ADCY9: variants seen among roughly 807,000 people sequenced by gnomAD.
The protein encoded by ADCY9 is adenylate cyclase type 9.
A neutral mutation model predicts 101.5 loss-of-function variants in ADCY9; 50 were observed. The observed-to-expected ratio is 0.49, with a 90% CI of 0.39 to 0.62. The LOEUF (loss-of-function observed/expected upper bound fraction) is 0.62, where lower values mean the gene tolerates loss of function less well. Ranked by LOEUF, ADCY9 falls within the 20% of genes least tolerant of loss-of-function variation. ADCY9 has a pLI of 0.00. For synonymous variants in ADCY9, 905 were observed against 769.3 expected (o/e 1.18, Z -2.92); for missense variants, 1,662 against 1,800.4 (o/e 0.92, Z 1.39).
At chr16:4,055,737 G>C (rs748877036) in intron 2 of ADCY9, among the ~76,000 whole-genome samples, 2 of 152,298 alleles carry the variant, frequency 1.3e-5, no homozygotes, top group South Asian at 4.1e-4. Flanking sequence ...GGGAGGCTGA[G>C]GCAGGAGAAC....
At chr16:4,030,342 C>T (rs1483254145) in intron 2 of ADCY9, among the ~76,000 whole-genome samples, 4 of 152,056 alleles carry the variant, frequency 2.6e-5, no homozygotes, top group East Asian at 1.9e-4. Context: ...GGAACCCCAG[C>T]GTAAGCAACA....
At chr16:4,095,629 C>T (rs1401633653) in intron 2 of ADCY9, among the ~76,000 whole-genome samples, 1 of 152,160 alleles carries the variant, frequency 6.6e-6, no homozygotes, top group African/African-American at 2.4e-5. Flanking sequence ...TAATTATTCA[C>T]TTCACATTTT....
At position 3,987,376 on chromosome 16, in the gene ADCY9, C is replaced by T. The variant is rs77937665; in HGVS notation, c.2310+1618G>A. On this transcript the variant is annotated intron_variant, in intron 6 of 10. Transcript: ENST00000294016. ...AAAGGTGTCTGCTGTTTGGGAGGCTCAGCAGTGCAGGGCGAGAAGCGGCCC... is the reference window on the plus strand; with the variant it reads ...AAAGGTGTCTGCTGTTTGGGAGGCTTAGCAGTGCAGGGCGAGAAGCGGCCC... Among the ~76,000 whole-genome samples the T allele has an allele frequency of 1.6e-4, 25 of 152,356 alleles. No homozygotes were observed. The East Asian group carries it at 3.9e-3, about 24-fold the overall frequency.
intron 10 of ADCY9, among the ~76,000 whole-genome samples, chr16:3,969,669 C>G (rs1466104730): frequency 3.7e-5 from 5 of 135,700 alleles, no homozygotes; most frequent in African/African-American, 1.1e-4. Context: ...AGCTGGACTG[C>G]AGTGGTGCGA....
At chr16:4,104,116 T>C (rs990062309) in intron 2 of ADCY9, among the ~76,000 whole-genome samples, 2 of 152,184 alleles carry the variant, frequency 1.3e-5, no homozygotes, top group Non-Finnish European at 1.5e-5. Flanking sequence ...GGGCAGACCA[T>C]TCCTGGGAAT....
chr16:3,956,503 T>TTTTTTTTTTTTTTTTGGG lies in ADCY9; in HGVS notation c.568-2988_568-2987insCCCAAAAAAAAAAAAAAA, dbSNP rs55792938. On this transcript the variant is annotated intron_variant, in intron 5 of 5. Transcript: ENST00000576936. ...GCGCAATGAGCTTTTTTTTTTTTTT[T>TTTTTTTTTTTTTTTTGGG]GGGGGGGGATGGAGTCTCCCTCTGT... Among the ~76,000 whole-genome samples, 4 of 69,494 alleles carry TTTTTTTTTTTTTTTTGGG rather than the reference T, an allele frequency of 5.8e-5. 1 individual carries two copies. The highest frequency in any genetic ancestry group is 1.6e-4 in the African/African-American group (4 of 24,702). 45.6% of individuals were successfully genotyped at this position (69,494 alleles called of 152,430 possible). A position where few individuals can be genotyped will look rare whatever the true frequency, so the allele number is the denominator to read the frequency against.
intron 2 of ADCY9, among the ~76,000 whole-genome samples, chr16:4,103,004 G>A (rs1435133341): frequency 2.6e-5 from 4 of 152,212 alleles, no homozygotes; most frequent in Non-Finnish European, 5.9e-5. Flanking sequence ...TTACAGGCAC[G>A]AGCCATGGCC....
At chr16:4,087,419 C>T (rs919625150) in intron 2 of ADCY9, among the ~76,000 whole-genome samples, 2 of 151,620 alleles carry the variant, frequency 1.3e-5, no homozygotes, top group Admixed American at 1.3e-4. Context: ...GCCTGTAATC[C>T]CAGCTTCTTG....
In ADCY9 at chr16:3,963,345, C is replaced by T. The variant is rs1437158042; in HGVS notation, c.*2430G>A. On this transcript the variant is annotated 3_prime_UTR_variant, in exon 11 of 11. Transcript: ENST00000294016. The stretch of plus-strand genomic sequence containing the variant: ...ACTCGTGTCTCCAGCACGATGTGCT[C>T]GCTGCCAACAGACAAGAGATGCACG... 3 of 398,698 alleles carry T rather than the reference C, an allele frequency of 7.5e-6. No homozygotes were observed. The highest frequency in any genetic ancestry group is 4.4e-5 in the Admixed American group (1 of 22,696). The allele number at this position is 398,698 out of a possible 1,614,324, so 24.7% of individuals were successfully genotyped here.
intron 2 of ADCY9, among the ~76,000 whole-genome samples, chr16:4,090,060 C>T (rs570940066): frequency 2.5e-4 from 38 of 152,120 alleles, no homozygotes; most frequent in Non-Finnish European, 5.1e-4. Context: ...ACCCAGCTGC[C>T]CTACAGGCCA....
intron 7 of ADCY9, 172 bp downstream of exon 7, chr16:3,983,060 G>A: frequency 1.5e-6 from 1 of 668,210 alleles, no homozygotes; most frequent in Non-Finnish European, 2.5e-6. Flanking sequence ...CAACGTCAGG[G>A]AGGGAGGATG....
chr16:4,024,222 C>A (rs2056498172), intron 2 of ADCY9, among the ~76,000 whole-genome samples: 1 of 151,904 alleles, frequency 6.6e-6, no homozygotes, highest in South Asian at 2.1e-4. Flanking sequence ...GGGGTTTCAC[C>A]ATGTTGGTCA....
intron 2 of ADCY9, among the ~76,000 whole-genome samples, chr16:4,089,366 C>T (rs892984025): frequency 3.3e-5 from 5 of 152,060 alleles, no homozygotes; most frequent in Admixed American, 6.6e-5. Flanking sequence ...TATTCGTCCA[C>T]GTTGTCACAT....
chr16:3,990,716 G>A (rs1024669532), intron 5 of ADCY9, among the ~76,000 whole-genome samples: 1 of 152,222 alleles, frequency 6.6e-6, no homozygotes, highest in South Asian at 2.1e-4. Flanking sequence ...CAACCACGCA[G>A]CTGCAGAGAG....
chr16:3,984,990 C>G (rs1393909838), intron 6 of ADCY9, among the ~76,000 whole-genome samples: 1 of 152,190 alleles, frequency 6.6e-6, no homozygotes, highest in Non-Finnish European at 1.5e-5. Context: ...TGGACCCTGC[C>G]AGGGCAACCT....
At chr16:4,108,257 CT>C (rs1281109915) in intron 2 of ADCY9, among the ~76,000 whole-genome samples, 1 of 151,132 alleles carries the variant, frequency 6.6e-6, no homozygotes, top group Non-Finnish European at 1.5e-5. Flanking sequence ...CCATTTTTTG[CT>C]TGTGGCCCAA....
intron 10 of ADCY9, among the ~76,000 whole-genome samples, chr16:3,972,688 C>A (rs2056062861): frequency 6.6e-6 from 1 of 152,190 alleles, no homozygotes; most frequent in South Asian, 2.1e-4. Context: ...TCCTAACCAG[C>A]CAAACGTGGC....
At chr16:4,027,393 T>C (rs187870780) in intron 2 of ADCY9, among the ~76,000 whole-genome samples, 1 of 152,360 alleles carries the variant, frequency 6.6e-6, no homozygotes, top group Admixed American at 6.5e-5. Flanking sequence ...TTAGTCTGTT[T>C]TCACACTGTT....
chr16:3,986,054 T>G (rs1597146015), intron 6 of ADCY9, among the ~76,000 whole-genome samples: 1 of 152,182 alleles, frequency 6.6e-6, no homozygotes, highest in African/African-American at 2.4e-5. Context: ...ACTACCCACA[T>G]CCCAGGGCCT....
Sources: allele counts gnomAD v4.1 joint callset (sites outside exome capture counted in the v4.1 genomes callset), GRCh38; gene constraint gnomAD v4.1.1; transcripts MANE v1.5; gene names NCBI Gene and HGNC (gene_info 2026-07-23, HGNC 2026-07-21).